KCNU1: variants seen among roughly 807,000 people sequenced by gnomAD.
The protein encoded by KCNU1 is potassium channel subfamily U member 1.
A neutral mutation model predicts 126.8 loss-of-function variants in KCNU1; 93 were observed. The observed-to-expected ratio is 0.73, with a 90% CI of 0.62 to 0.87. KCNU1 has a LOEUF of 0.87. KCNU1 is among the 40% of genes least tolerant of loss of function. KCNU1 has a pLI of 0.00. For synonymous variants in KCNU1, 523 were observed against 494.2 expected (o/e 1.06, Z -0.77); for missense variants, 1,330 against 1,367.1 (o/e 0.97, Z 0.43).
Position 36,936,120 on chromosome 8 carries a change from G to A in KCNU1, c.*200G>A, listed in dbSNP as rs561140831. On this transcript the variant is annotated 3_prime_UTR_variant, in exon 27 of 27. Coordinates refer to ENST00000399881, the MANE Select transcript of KCNU1 (RefSeq NM_001031836.3). ...TTGTGTGATAAATAAAGAAATATAT[G>A]ATCAATGCTTCTGTAAGGAAAGTTC... 17 of 444,362 alleles carry A rather than the reference G, an allele frequency of 3.8e-5. No individual in the cohort carries two copies. Among genetic ancestry groups the A allele is most frequent in the Admixed American group, 1.6e-4 (4 of 24,640 alleles). The allele number at this position is 444,362 out of a possible 1,614,324, so 27.5% of individuals were successfully genotyped here.
intron 19 of KCNU1, among the ~76,000 whole-genome samples, chr8:36,885,545 C>T (rs1033459229): frequency 2.0e-5 from 3 of 152,058 alleles, no homozygotes; most frequent in Non-Finnish European, 4.4e-5. Context: ...CAGAGCAAAA[C>T]TCTGTCTCAA....
At chr8:36,916,988 T>C (rs1001036186) in intron 22 of KCNU1, among the ~76,000 whole-genome samples, 14 of 152,176 alleles carry the variant, frequency 9.2e-5, no homozygotes, top group Admixed American at 9.2e-4. Context: ...AACAAACCTC[T>C]CTTTGGATTT....
intron 14 of KCNU1, among the ~76,000 whole-genome samples, chr8:36,840,154 C>T (rs904545536): frequency 3.3e-5 from 5 of 152,332 alleles, no homozygotes; most frequent in Non-Finnish European, 7.3e-5. Context: ...TTCTTACTAA[C>T]TGAAAAGCTG....
chr8:36,896,482 T>C (rs1005844810), intron 19 of KCNU1, among the ~76,000 whole-genome samples: 1 of 152,066 alleles, frequency 6.6e-6, no homozygotes. Context: ...GGGTAAATAA[T>C]ACTTTTAAAG....
intron 23 of KCNU1, among the ~76,000 whole-genome samples, chr8:36,920,637 G>A (rs936346713): frequency 1.3e-5 from 2 of 152,180 alleles, no homozygotes; most frequent in African/African-American, 4.8e-5. Flanking sequence ...GGATCTGAAG[G>A]AAATGGCCAG....
chr8:36,789,278 C>T (rs1802818758), intron 2 of KCNU1, among the ~76,000 whole-genome samples: 1 of 152,050 alleles, frequency 6.6e-6, no homozygotes, highest in South Asian at 2.1e-4. Flanking sequence ...ATCGCTTGAG[C>T]CCAGGTGGTC....
In KCNU1 at chr8:36,909,461, T is replaced by G; in HGVS notation, c.2257T>G (p.Phe753Val). 6.2e-7 allele frequency: 1 copy of G among 1,613,616 alleles called. No individual in the cohort carries two copies. Among genetic ancestry groups the G allele is most frequent in the Non-Finnish European group, 8.5e-7 (1 of 1,179,548 alleles). ...YTRKELKDIV[F>V]IGSLDYLQRE... The stretch of plus-strand genomic sequence containing the variant: ...CAGGAAGGAGCTGAAGGACATAGTG[T>G]TCATTGGGTCTCTGGACTATCTACA... Residue 753 changes from phenylalanine (F) to valine (V), a missense_variant, in exon 21 of 27, where the codon TTC becomes GTC. Phe to Val is a conservative substitution (Grantham distance 50). Around this residue, in one of 3 missense-constraint regions of KCNU1, gnomAD observed 1,054 missense variants for 1,053.9 expected, o/e 1.00. Coordinates refer to ENST00000399881, the MANE Select transcript of KCNU1 (RefSeq NM_001031836.3).
chr8:36,860,669 A>T (rs766569496), intron 18 of KCNU1, among the ~76,000 whole-genome samples: 9 of 152,192 alleles, frequency 5.9e-5, no homozygotes, highest in Non-Finnish European at 1.2e-4. Context: ...CCCTTAGGAA[A>T]GTTGTGCCCA....
chr8:36,849,787 T>C (rs1240872807), intron 18 of KCNU1, among the ~76,000 whole-genome samples: 1 of 152,198 alleles, frequency 6.6e-6, no homozygotes, highest in East Asian at 1.9e-4. Flanking sequence ...CTATGCACAT[T>C]GGGGCACAAA....
At chr8:36,793,190 A>T (rs890784626) in intron 2 of KCNU1, among the ~76,000 whole-genome samples, 1 of 123,524 alleles carries the variant, frequency 8.1e-6, no homozygotes, top group African/African-American at 3.0e-5. Context: ...GACATCACAC[A>T]CAGGGGCCTG....
At chr8:36,813,217 T>C (rs1319932108) in intron 7 of KCNU1, among the ~76,000 whole-genome samples, 1 of 152,134 alleles carries the variant, frequency 6.6e-6, no homozygotes, top group Non-Finnish European at 1.5e-5. Context: ...AACCTATTCA[T>C]TAAATTTAAG....
Position 36,814,189 on chromosome 8 carries a change from T to G in KCNU1, c.733-18T>G. 1.9e-6 allele frequency: 3 copies of G among 1,603,968 alleles called. No homozygotes were observed. The highest frequency in any genetic ancestry group is 2.6e-6 in the Non-Finnish European group (3 of 1,171,404). On this transcript the variant is annotated intron_variant, in intron 7 of 26. Transcript: ENST00000399881. Reference sequence around the variant, plus strand: ...GGATTCTATTCAGATGTTTCCTGAGTCTTCTCTCTTTGGACAGGTGGAAAA... The same window carrying G: ...GGATTCTATTCAGATGTTTCCTGAGGCTTCTCTCTTTGGACAGGTGGAAAA...
intron 24 of KCNU1, among the ~76,000 whole-genome samples, chr8:36,925,391 T>C: frequency 6.6e-6 from 1 of 152,200 alleles, no homozygotes; most frequent in Non-Finnish European, 1.5e-5. Context: ...ATCTTGAACC[T>C]CTAAATCTCT....
At chr8:36,934,399 A>G (rs945078056) in intron 26 of KCNU1, among the ~76,000 whole-genome samples, 5 of 152,034 alleles carry the variant, frequency 3.3e-5, no homozygotes, top group Non-Finnish European at 5.9e-5. Flanking sequence ...CCATGGCTTT[A>G]TAGTACCCAC....
intron 16 of KCNU1, among the ~76,000 whole-genome samples, chr8:36,845,051 A>G (rs946386703): frequency 6.6e-6 from 1 of 152,238 alleles, no homozygotes; most frequent in Non-Finnish European, 1.5e-5. Context: ...GCTGTCAAAA[A>G]TCTGGCAATC....
intron 19 of KCNU1, among the ~76,000 whole-genome samples, chr8:36,870,738 G>A (rs542379140): frequency 8.5e-5 from 13 of 152,234 alleles, no homozygotes; most frequent in African/African-American, 3.1e-4. Context: ...TCCTATTTGA[G>A]TGTAATGTAG....
At chr8:36,884,082 T>C (rs1341539742) in intron 19 of KCNU1, among the ~76,000 whole-genome samples, 2 of 152,148 alleles carry the variant, frequency 1.3e-5, no homozygotes, top group African/African-American at 4.8e-5. Context: ...ACCCACCTCT[T>C]TATTATTAAT....
intron 22 of KCNU1, among the ~76,000 whole-genome samples, chr8:36,918,383 A>T (rs1808202155): frequency 6.6e-6 from 1 of 151,730 alleles, no homozygotes; most frequent in South Asian, 2.1e-4. Flanking sequence ...CTCTGCAAAG[A>T]TAAAAATAAA....
rs551779845 is a variant in KCNU1, at chr8:36,799,778, G to A, written c.316-4249G>A. Among the ~76,000 whole-genome samples, 16 of 151,754 alleles carry A rather than the reference G, an allele frequency of 1.1e-4. No homozygotes were observed. The South Asian group carries it at 1.9e-3, about 18-fold the overall frequency. On this transcript the variant is annotated intron_variant, in intron 2 of 26. Transcript: ENST00000399881. ...CTTCTCTTGAACCCCTGACCTCAGG[G>A]GATCCTCCTGCCTCGGCCTCCCAAA...
Sources: gnomAD v4.1 joint callset for allele counts (sites outside exome capture counted in the v4.1 genomes callset) on GRCh38, gnomAD v4.1.1 for gene constraint, gnomAD v4.1.1 regional missense constraint, MANE v1.5 for transcripts, NCBI Gene and HGNC (gene_info 2026-07-23, HGNC 2026-07-21) for gene names.